AFMID: variants seen among roughly 807,000 people sequenced by gnomAD.
AFMID encodes the protein arylformamidase, also known as kynurenine formamidase.
AFMID carries 39 observed loss-of-function variants against 47.5 expected under a neutral mutation model. The ratio of observed to expected loss-of-function variants is 0.82; its 90% CI spans 0.64 to 1.07. The LOEUF is 1.07. AFMID is among the 50% of genes least tolerant of loss of function. AFMID has a pLI of 0.00. For missense variants in AFMID, 375 were observed against 387.5 expected, an observed-to-expected ratio of 0.97 and a Z score of 0.27; for synonymous variants, 130 against 153.2, an observed-to-expected ratio of 0.85 and a Z score of 1.12.
chr17:78,204,549 G>GTGA, intron 4 of AFMID, 107 bp from the exon 5 acceptor site: 1 of 1,033,898 alleles, frequency 9.7e-7, no homozygotes, highest in Non-Finnish European at 1.5e-6. Context: ...CCAGAAAGGG[G>GTGA]TGATGCTGTG....
At chr17:78,189,169 A>T (rs946389400) in intron 1 of AFMID, among the ~76,000 whole-genome samples, 1 of 149,054 alleles carries the variant, frequency 6.7e-6, no homozygotes, top group Non-Finnish European at 1.5e-5. Context: ...CTGACTTCCC[A>T]TTTCTCATGA....
chr17:78,199,089 GC>G (rs1221154865), intron 2 of AFMID, among the ~76,000 whole-genome samples: 1 of 152,258 alleles, frequency 6.6e-6, no homozygotes, highest in Non-Finnish European at 1.5e-5. Flanking sequence ...CCCTGCAGGG[GC>G]AAGTGGTTGG....
At chr17:78,191,534 A>T (rs767590232) in intron 2 of AFMID, among the ~76,000 whole-genome samples, 6 of 151,996 alleles carry the variant, frequency 3.9e-5, no homozygotes, top group Non-Finnish European at 8.8e-5. Context: ...AAAATACAAA[A>T]ATTAGCTGGA....
At chr17:78,193,874 A>G in intron 2 of AFMID, among the ~76,000 whole-genome samples, 1 of 151,022 alleles carries the variant, frequency 6.6e-6, no homozygotes, top group African/African-American at 2.4e-5. Context: ...TACTCTGGAG[A>G]CTGAGGCAGG....
chr17:78,204,523 A>AC, intron 4 of AFMID, 133 bp from the exon 5 acceptor site: 1 of 817,058 alleles, frequency 1.2e-6, no homozygotes, highest in Non-Finnish European at 2.0e-6. Flanking sequence ...TGTCCGCTTC[A>AC]CTCTCTCACA....
intron 2 of AFMID, among the ~76,000 whole-genome samples, chr17:78,200,936 C>T (rs919344365): frequency 1.3e-5 from 2 of 152,056 alleles, no homozygotes; most frequent in African/African-American, 2.4e-5. Context: ...TGCGTTGCTG[C>T]GGTGGGAGGG....
intron 2 of AFMID, among the ~76,000 whole-genome samples, chr17:78,194,317 G>A (rs1453644464): frequency 6.6e-6 from 1 of 152,206 alleles, no homozygotes; most frequent in Non-Finnish European, 1.5e-5. Context: ...TAGAGGCGGG[G>A]TTTCACCATG....
Position 78,207,624 on chromosome 17 carries a change from G to T in AFMID, c.*687G>T, listed in dbSNP as rs941007221. ...AAATAGTTCATAAAGAAGCACAAAA[G>T]AATATTATTTCATAACATGTAAAAA... On this transcript the variant is annotated 3_prime_UTR_variant, in exon 11 of 11. Transcript: ENST00000409257. The T allele has an allele frequency of 2.0e-5, 3 of 152,010 alleles. No homozygotes were observed. Among genetic ancestry groups the T allele is most frequent in the Non-Finnish European group, 4.4e-5 (3 of 68,018 alleles). The allele number at this position is 152,010 out of a possible 1,614,324, so 9.4% of individuals were successfully genotyped here.
chr17:78,190,892 GC>G (rs768441552), intron 1 of AFMID, 77 bp from the exon 2 acceptor site: 5 of 1,323,590 alleles, frequency 3.8e-6, no homozygotes, highest in Non-Finnish European at 5.3e-6. Context: ...GAGAGGAGCA[GC>G]CGGGCATGGG....
chr17:78,204,529 T>G (rs2076325863), intron 4 of AFMID, 127 bp from the exon 5 acceptor site: 3 of 874,038 alleles, frequency 3.4e-6, no homozygotes, highest in Non-Finnish European at 5.6e-6. Context: ...CTTCACTCTC[T>G]CACATGGGAC....
In AFMID at chr17:78,202,620, C is replaced by T. The variant is rs764325815; in HGVS notation, c.259+17C>T. 2.0e-6 allele frequency: 3 copies of T among 1,525,998 alleles called. No homozygotes were observed. Among genetic ancestry groups the T allele is most frequent in the African/African-American group, 1.4e-5 (1 of 72,996 alleles). The allele number at this position is 1,525,998 out of a possible 1,614,324, so 94.5% of individuals were successfully genotyped here. A position where few individuals can be genotyped will look rare whatever the true frequency, so the allele number is the denominator to read the frequency against. On this transcript the variant is annotated intron_variant, in intron 3 of 10. Coordinates refer to ENST00000409257, the MANE Select transcript of AFMID (RefSeq NM_001010982.5). ...CGTCTGAAGGTTGTCGGTGAAGGGG[C>T]TGGGGGTCCCGGGGCTTGGGGGTCC...
intron 2 of AFMID, among the ~76,000 whole-genome samples, chr17:78,201,826 A>G (rs868600622): frequency 7.9e-5 from 12 of 151,210 alleles, no homozygotes; most frequent in South Asian, 2.1e-4. Flanking sequence ...CACCTCCCGG[A>G]TTCACGCCAT....
In AFMID at chr17:78,195,391, C is replaced by T. The variant is rs570591031; in HGVS notation, c.154+4331C>T. 6.6e-5 allele frequency among the ~76,000 whole-genome samples: 10 copies of T among 150,612 alleles called. No homozygotes were observed. In the East Asian group the frequency reaches 1.6e-3, roughly 24 times the overall value. On this transcript the variant is annotated intron_variant, in intron 2 of 10. Transcript: ENST00000409257. ...TGTGTTTTTAGTAGAGACAGGGTTT[C>T]GCCATGTTGGCCAGGCTGGTCTCAA... is the stretch of plus-strand genomic sequence containing the variant.
intron 4 of AFMID, 122 bp downstream of exon 4, chr17:78,202,873 T>C: frequency 8.3e-7 from 1 of 1,201,360 alleles, no homozygotes; most frequent in Non-Finnish European, 1.2e-6. Context: ...GGGCTGTGTC[T>C]CACAGCGCTG....
At position 78,196,608 on chromosome 17, in the gene AFMID, T is replaced by A. The variant is rs1203651965; in HGVS notation, c.154+5548T>A. On this transcript the variant is annotated intron_variant, in intron 2 of 10. Transcript: ENST00000409257. ...GTGGGAGAATAGCTTGAACCCAGGTTGGGGAGGTTGCAGTGAGTCGAGACC... is the reference window on the plus strand; with the variant it reads ...GTGGGAGAATAGCTTGAACCCAGGTAGGGGAGGTTGCAGTGAGTCGAGACC... Among the ~76,000 whole-genome samples, 4 of 151,804 alleles carry A rather than the reference T, an allele frequency of 2.6e-5. No individual in the cohort carries two copies. In the East Asian group the frequency reaches 7.7e-4, roughly 29 times the overall value.
intron 4 of AFMID, 122 bp downstream of exon 4, chr17:78,202,873 T>A: frequency 5.0e-6 from 6 of 1,201,316 alleles, no homozygotes; most frequent in South Asian, 1.3e-5. Flanking sequence ...GGGCTGTGTC[T>A]CACAGCGCTG....
chr17:78,188,063 G>C (rs900621395), intron 1 of AFMID, among the ~76,000 whole-genome samples: 27 of 150,558 alleles, frequency 1.8e-4, no homozygotes, highest in African/African-American at 4.9e-4. Context: ...TTTTGGGTCT[G>C]TGCTTATGTG....
At chr17:78,199,931 C>T (rs751303970) in intron 2 of AFMID, among the ~76,000 whole-genome samples, 8 of 152,084 alleles carry the variant, frequency 5.3e-5, no homozygotes, top group Admixed American at 6.6e-5. Context: ...CATGGGCCTG[C>T]AGGCTGGCCC....
rs535580523 is a variant in AFMID at position 78,191,150 on chromosome 17, C to T, written c.154+90C>T. ...GCTGGGGGTTGGGGGGGCTGTGCTG[C>T]ACCACCTGGGCCTCGAGGGGCATTT... is the stretch of plus-strand genomic sequence containing the variant. On this transcript the variant is annotated intron_variant, in intron 2 of 10. Transcript: ENST00000409257. 82 of 1,150,920 alleles carry T rather than the reference C, an allele frequency of 7.1e-5. No individual in the cohort carries two copies. The East Asian group carries it at 1.1e-3, about 16-fold the overall frequency. The allele number at this position is 1,150,920 out of a possible 1,614,324, so 71.3% of individuals were successfully genotyped here.
Sources: gnomAD v4.1 joint callset for allele counts (sites outside exome capture counted in the v4.1 genomes callset) on GRCh38, gnomAD v4.1.1 for gene constraint, MANE v1.5 for transcripts, NCBI Gene and HGNC (gene_info 2026-07-23, HGNC 2026-07-21) for gene names.